C2CD5: variants seen among roughly 807,000 people sequenced by gnomAD.
C2CD5 encodes C2 calcium dependent domain containing 5.
A neutral mutation model predicts 130.3 loss-of-function variants in C2CD5; 109 were observed. That is an observed-to-expected ratio of 0.84 (90% confidence interval 0.72 to 0.98). The LOEUF is 0.98. C2CD5 is among the 50% of genes least tolerant of loss of function. The probability of loss-of-function intolerance (pLI) is 0.00; values close to 1 mark genes in which losing one functional copy is unlikely to be tolerated. For missense variants in C2CD5, 996 were observed against 1,261.8 expected (o/e 0.79, Z 3.19); for synonymous variants, 454 against 429.2 (o/e 1.06, Z -0.71).
chr12:22,482,690 C>G lies in C2CD5; in HGVS notation c.1604G>C (p.Ser535Thr). 1 of 1,613,646 alleles carries G rather than the reference C, an allele frequency of 6.2e-7. No individual in the cohort carries two copies. The highest frequency in any genetic ancestry group is 8.5e-7 in the Non-Finnish European group (1 of 1,179,666). ...AQAEANATAI[S>T]NLLPFMEYEV... ...ATATTCCATAAATGGCAAGAGATTACTGATAGCTGTAGCATTTGCTTCTGC... is the reference window on the plus strand; with the variant it reads ...ATATTCCATAAATGGCAAGAGATTAGTGATAGCTGTAGCATTTGCTTCTGC... Residue 535 changes from serine to threonine, a missense_variant, in exon 14 of 27, where the codon AGT becomes ACT. Ser to Thr is a moderately conservative substitution (Grantham distance 58, BLOSUM62 1). Around this residue, in one of 9 missense-constraint regions of C2CD5, gnomAD observed 590 missense variants for 631.4 expected, o/e 0.93. Coordinates refer to ENST00000446597, the MANE Select transcript of C2CD5 (RefSeq NM_001286176.2).
chr12:22,543,999 G>C, intron 2 of C2CD5, 62 bp downstream of exon 2: 2 of 1,262,982 alleles, frequency 1.6e-6, no homozygotes, highest in Non-Finnish European at 2.3e-6. Flanking sequence ...GGGGCGAGGT[G>C]GGTAGATCCT....
chr12:22,469,992 G>C (rs1194361586), intron 21 of C2CD5, among the ~76,000 whole-genome samples, 197 bp from the exon 22 acceptor site: 1 of 151,988 alleles, frequency 6.6e-6, no homozygotes, highest in African/African-American at 2.4e-5. Flanking sequence ...TATCTTCCCT[G>C]GTATGACTCT....
chr12:22,452,449 C>T (rs974037773), intron 26 of C2CD5, among the ~76,000 whole-genome samples: 4 of 152,092 alleles, frequency 2.6e-5, no homozygotes, highest in South Asian at 4.1e-4. Flanking sequence ...ATCTCCTTCA[C>T]GCCAAATCTT....
rs139116212 is a variant in C2CD5, at chr12:22,474,809, G to A, written c.1985C>T (p.Ser662Leu). ...SRLLRSQSESSDEVTELDLSH... is the reference protein window; with the variant it reads ...SRLLRSQSESLDEVTELDLSH... ...AAGGTCTAATTCTGTAACTTCATCC[G>A]AGCTTTCTGATTGAGATCTTAGAAG... Residue 662 changes from serine (S) to leucine (L), a missense_variant, in exon 16 of 27, where the codon TCG (serine) becomes TTG (leucine). By Grantham distance (145) the Ser-to-Leu change is moderately radical (BLOSUM62 -2). Coordinates refer to ENST00000446597, the MANE Select transcript of C2CD5 (RefSeq NM_001286176.2). 1.3e-5 allele frequency: 21 copies of A among 1,609,890 alleles called. No homozygotes were observed. The highest frequency in any genetic ancestry group is 6.6e-5 in the South Asian group (6 of 90,470).
intron 13 of C2CD5, 59 bp from the exon 14 acceptor site, chr12:22,482,802 A>G: frequency 7.8e-7 from 1 of 1,289,358 alleles, no homozygotes; most frequent in Admixed American, 2.0e-5. Context: ...AAAATGTCCA[A>G]ATTTTAAAAC....
chr12:22,473,033 C>G (rs1168220953), intron 16 of C2CD5, among the ~76,000 whole-genome samples: 1 of 151,972 alleles, frequency 6.6e-6, no homozygotes, highest in Non-Finnish European at 1.5e-5. Context: ...AAAAAGAAAA[C>G]TAGCTCTTTC....
intron 10 of C2CD5, among the ~76,000 whole-genome samples, chr12:22,497,943 A>G (rs1011219649): frequency 8.3e-6 from 1 of 120,132 alleles, no homozygotes; most frequent in African/African-American, 2.8e-5. Context: ...CACACACACA[A>G]TGTAACTGGA....
intron 26 of C2CD5, among the ~76,000 whole-genome samples, chr12:22,451,135 G>A (rs1042511747): frequency 1.3e-5 from 2 of 151,850 alleles, no homozygotes; most frequent in East Asian, 3.9e-4. Context: ...GAAGAAAAGT[G>A]ACTGGCTGGA....
At chr12:22,457,250 T>G (rs1490171892) in intron 24 of C2CD5, 89 bp from the exon 25 acceptor site, 13 of 830,198 alleles carry the variant, frequency 1.6e-5, no homozygotes, top group Non-Finnish European at 2.2e-5. Context: ...GGTGACAACA[T>G]TCAGCTGTCT....
rs528676040 is a variant in C2CD5 at position 22,536,369 on chromosome 12, A to T, written c.91-1025T>A. Reference sequence around the variant, plus strand: ...ATGCATTATTTTAAAATTCAAAAACATCAAAAATTAAAATAAAAATGGCAA... The same window carrying T: ...ATGCATTATTTTAAAATTCAAAAACTTCAAAAATTAAAATAAAAATGGCAA... On this transcript the variant is annotated intron_variant, in intron 2 of 26. Coordinates refer to ENST00000446597, the MANE Select transcript of C2CD5 (RefSeq NM_001286176.2). 3.9e-5 allele frequency among the ~76,000 whole-genome samples: 6 copies of T among 152,326 alleles called. No homozygotes were observed. The East Asian group carries it at 9.6e-4, about 24-fold the overall frequency.
intron 12 of C2CD5, among the ~76,000 whole-genome samples, chr12:22,489,600 A>C (rs1946074233): frequency 6.6e-6 from 1 of 152,134 alleles, no homozygotes; most frequent in African/African-American, 2.4e-5. Context: ...ATTTTATATA[A>C]GGGACTTGAG....
intron 7 of C2CD5, among the ~76,000 whole-genome samples, chr12:22,518,370 C>T (rs1297624889): frequency 6.6e-6 from 1 of 151,806 alleles, no homozygotes; most frequent in Non-Finnish European, 1.5e-5. Context: ...AGCAAAAAAG[C>T]ATGAAATGAC....
intron 9 of C2CD5, among the ~76,000 whole-genome samples, chr12:22,511,801 G>A (rs770641116): frequency 3.3e-5 from 5 of 151,974 alleles, no homozygotes; most frequent in African/African-American, 1.2e-4. Flanking sequence ...TTATTATATC[G>A]AATTTCAAGG....
intron 9 of C2CD5, among the ~76,000 whole-genome samples, chr12:22,508,271 T>C (rs1002255848): frequency 2.6e-5 from 4 of 152,092 alleles, no homozygotes; most frequent in African/African-American, 7.2e-5. Context: ...GAAAAATCTA[T>C]GCTATGTAAG....
chr12:22,467,925 C>T (rs534399121), intron 22 of C2CD5, among the ~76,000 whole-genome samples: 2 of 152,134 alleles, frequency 1.3e-5, no homozygotes, highest in Non-Finnish European at 2.9e-5. Context: ...ACAAGGCAAA[C>T]TTAGAGAGCT....
intron 10 of C2CD5, among the ~76,000 whole-genome samples, chr12:22,494,365 T>C (rs1946746611): frequency 1.3e-5 from 2 of 152,082 alleles, no homozygotes; most frequent in Non-Finnish European, 2.9e-5. Context: ...ATCCAAAGTT[T>C]CTATTTTTGA....
intron 9 of C2CD5, among the ~76,000 whole-genome samples, chr12:22,508,691 G>T (rs56764329): frequency 0.02 from 2,990 of 152,238 alleles, 100 homozygotes; most frequent in African/African-American, 0.068. Context: ...CTTTGTAAAT[G>T]TGAGTTTTAA....
At chr12:22,519,548 C>A (rs1171842657) in intron 7 of C2CD5, among the ~76,000 whole-genome samples, 1 of 151,832 alleles carries the variant, frequency 6.6e-6, no homozygotes, top group Non-Finnish European at 1.5e-5. Context: ...TTTAAGTTTC[C>A]TTAACATATT....
At chr12:22,533,587 C>T (rs1265645621) in intron 3 of C2CD5, among the ~76,000 whole-genome samples, 1 of 152,120 alleles carries the variant, frequency 6.6e-6, no homozygotes, top group East Asian at 1.9e-4. Flanking sequence ...GACATCCTAA[C>T]AGTAACACAA....
Sources: allele counts gnomAD v4.1 joint callset (sites outside exome capture counted in the v4.1 genomes callset), GRCh38; gene constraint gnomAD v4.1.1; regional missense constraint gnomAD v4.1.1; transcripts MANE v1.5; gene names NCBI Gene and HGNC (gene_info 2026-07-23, HGNC 2026-07-21).